KALRN: variants seen among roughly 807,000 people sequenced by gnomAD.
The protein encoded by KALRN is kalirin RhoGEF kinase.
Under a neutral mutation model 353.7 loss-of-function variants are expected in KALRN, and 70 were observed. That is an observed-to-expected ratio of 0.20 (90% CI 0.16 to 0.24). The LOEUF (loss-of-function observed/expected upper bound fraction) is 0.24. Among genes scored for constraint, KALRN ranks in the 10% least tolerant of loss-of-function variants. KALRN has a pLI of 1.00. For missense variants in KALRN, 2,791 were observed against 3,756.7 expected (o/e 0.74, Z 6.72); for synonymous variants, 1,391 against 1,434.8 (o/e 0.97, Z 0.69).
At chr3:124,080,092 G>A (rs1436213748) in intron 1 of KALRN, 11 of 470,976 alleles carry the variant, frequency 2.3e-5, no homozygotes, top group Non-Finnish European at 4.4e-5. Context: ...GACAAGATCA[G>A]GTTAGTGAAC....
chr3:124,401,131 T>C (rs1034066531), intron 13 of KALRN, among the ~76,000 whole-genome samples: 57 of 152,088 alleles, frequency 3.7e-4, no homozygotes, highest in African/African-American at 1.3e-3. Context: ...ATGGAGAAAA[T>C]ATCCTTTAAA....
intron 5 of KALRN, among the ~76,000 whole-genome samples, chr3:124,270,540 A>G (rs1057109824): frequency 6.7e-6 from 1 of 149,972 alleles, no homozygotes; most frequent in African/African-American, 2.5e-5. Flanking sequence ...TTTTTAATGC[A>G]TATCACTTTT....
In KALRN at chr3:124,122,717, T is replaced by A. The variant is rs1336358825; in HGVS notation, c.73+88904T>A. Among the ~76,000 whole-genome samples the A allele has an allele frequency of 2.6e-5, 4 of 152,220 alleles. No homozygotes were observed. The East Asian group carries it at 7.7e-4, about 29-fold the overall frequency. ...TTGTGTGTGTTCTAACTGCTCCACC[T>A]ACCAGCTGTTTTCTCATCTCTCCCT... is the stretch of plus-strand genomic sequence containing the variant. On this transcript the variant is annotated intron_variant, in intron 1 of 59. Transcript: ENST00000682506.
chr3:124,063,731 A>G (rs2042142651), intron 1 of KALRN, among the ~76,000 whole-genome samples: 2 of 152,212 alleles, frequency 1.3e-5, no homozygotes, highest in Admixed American at 6.5e-5. Flanking sequence ...CACTGTAGCT[A>G]TATTTGGCAG....
At chr3:124,678,157 C>G (rs2087404607) in intron 49 of KALRN, 33 bp from the exon 50 acceptor site, 1 of 1,609,670 alleles carries the variant, frequency 6.2e-7, no homozygotes, top group Admixed American at 1.7e-5. Context: ...CCCTGACCTG[C>G]CATTTTGATT....
chr3:124,663,262 A>G (rs2085130956), intron 45 of KALRN, among the ~76,000 whole-genome samples: 1 of 152,174 alleles, frequency 6.6e-6, no homozygotes, highest in Non-Finnish European at 1.5e-5. Flanking sequence ...CTTTTTTTAA[A>G]TAAGGACATC....
intron 45 of KALRN, among the ~76,000 whole-genome samples, chr3:124,665,208 G>C (rs182599132): frequency 4.9e-4 from 74 of 152,300 alleles, no homozygotes; most frequent in Admixed American, 7.8e-4. Context: ...CTGCATTTCA[G>C]AGGAGGCCCT....
At chr3:124,519,569 G>A (rs867833323) in intron 33 of KALRN, 7 of 985,332 alleles carry the variant, frequency 7.1e-6, no homozygotes, top group South Asian at 4.7e-5. Flanking sequence ...GGGAGGGCAG[G>A]GTAAAGGGAT....
Position 124,646,105 on chromosome 3 carries a change from A to G in KALRN, c.5665-4703A>G, listed in dbSNP as rs867074758. 6.6e-5 allele frequency among the ~76,000 whole-genome samples: 10 copies of G among 152,286 alleles called. No homozygotes were observed. In the Middle Eastern group the frequency reaches 0.02, roughly 311 times the overall value. On this transcript the variant is annotated intron_variant, in intron 37 of 59. Transcript: ENST00000682506. ...TTTTTATCAAAGAGGAGCAACTAAG[A>G]GGTGATTGGTTGGTGTGGTAGGTGG...
intron 1 of KALRN, among the ~76,000 whole-genome samples, chr3:124,161,346 A>G (rs2069917594): frequency 6.6e-6 from 1 of 152,226 alleles, no homozygotes; most frequent in Admixed American, 6.5e-5. Flanking sequence ...ATTATTGTTA[A>G]TGCTTTTGGA....
Position 124,268,951 on chromosome 3 carries a change from T to G in KALRN, c.665T>G (p.Val222Gly). The change falls in exon 5 of 60, where the codon GTG becomes GGG. Residue 222 changes from valine (V) to glycine (G), a missense_variant. Val to Gly is a moderately radical substitution (Grantham distance 109). Around this residue, in one of 11 missense-constraint regions of KALRN, gnomAD observed 366 missense variants for 489.2 expected, o/e 0.75. Coordinates refer to ENST00000682506, the MANE Select transcript of KALRN (RefSeq NM_001388419.1). ...GCCCGGAAGGAGTTTCCTGTGGATG[T>G]GGAGGGCTCTCGGCGGCTCATTGAC... ...MLARKEFPVD[V>G]EGSRRLIDEH... The G allele has an allele frequency of 6.2e-7, 1 of 1,614,128 alleles. No individual in the cohort carries two copies. The highest frequency in any genetic ancestry group is 8.5e-7 in the Non-Finnish European group (1 of 1,179,996).
chr3:124,413,715 A>T (rs1384996239), intron 14 of KALRN, 50 bp downstream of exon 14: 1 of 1,472,314 alleles, frequency 6.8e-7, no homozygotes, highest in Admixed American at 1.7e-5. Flanking sequence ...GAAAACAAGC[A>T]TACCATCTAG....
intron 36 of KALRN, among the ~76,000 whole-genome samples, chr3:124,636,629 C>G (rs4677937): frequency 0.45 from 68,605 of 151,816 alleles, 16,235 homozygotes; most frequent in East Asian, 0.9. Context: ...AGGGGCAGAG[C>G]GGGAGAGGAA....
chr3:124,347,678 A>C (rs2082415698), intron 10 of KALRN, among the ~76,000 whole-genome samples: 1 of 152,054 alleles, frequency 6.6e-6, no homozygotes, highest in African/African-American at 2.4e-5. Context: ...ACTGCTTATG[A>C]TTGTCACTGC....
intron 3 of KALRN, among the ~76,000 whole-genome samples, chr3:124,247,244 C>T (rs2070420948): frequency 6.6e-6 from 1 of 152,168 alleles, no homozygotes; most frequent in Non-Finnish European, 1.5e-5. Context: ...TTGTCAGAGG[C>T]TCCAATGGTT....
intron 16 of KALRN, among the ~76,000 whole-genome samples, chr3:124,433,604 A>C (rs2093359470): frequency 6.6e-6 from 1 of 150,988 alleles, no homozygotes; most frequent in Non-Finnish European, 1.5e-5. Flanking sequence ...TCTAAAAAAA[A>C]AAAAAAAAAA....
intron 33 of KALRN, chr3:124,504,768 C>T: frequency 1.8e-5 from 8 of 443,708 alleles, no homozygotes; most frequent in South Asian, 1.4e-4. Flanking sequence ...CAAGGCAGAT[C>T]CCTGCTTCAG....
chr3:124,055,265 TG>T (rs1257811204), intron 1 of KALRN, among the ~76,000 whole-genome samples: 1 of 152,218 alleles, frequency 6.6e-6, no homozygotes, highest in African/African-American at 2.4e-5. Context: ...TGTAAATGTC[TG>T]GTTTTTGAGC....
At chr3:124,437,046 G>A (rs948200108) in intron 17 of KALRN, among the ~76,000 whole-genome samples, 12 of 150,020 alleles carry the variant, frequency 8.0e-5, no homozygotes, top group African/African-American at 2.5e-4. Flanking sequence ...CTCAAGTTTG[G>A]TGACAGATCT....
Sources: allele counts gnomAD v4.1 joint callset (sites outside exome capture counted in the v4.1 genomes callset), GRCh38; gene constraint gnomAD v4.1.1; regional missense constraint gnomAD v4.1.1; transcripts MANE v1.5; gene names NCBI Gene and HGNC (gene_info 2026-07-23, HGNC 2026-07-21).